The following BRIP1 variants were observed in gnomAD, a reference collection of about 807,000 sequenced individuals.
The protein encoded by BRIP1 is Fanconi anemia group J protein.
In BRIP1, 88 loss-of-function variants were observed where a neutral mutation model predicts 119.7. The ratio of observed to expected loss-of-function variants is 0.74; its 90% CI spans 0.62 to 0.88. The LOEUF (loss-of-function observed/expected upper bound fraction) is 0.88, where lower values mean the gene tolerates loss of function less well. Among genes scored for constraint, BRIP1 ranks in the 40% least tolerant of loss-of-function variants. BRIP1 has a pLI of 0.00. For synonymous variants in BRIP1, 443 were observed against 496.5 expected, an observed-to-expected ratio of 0.89 and a Z score of 1.43; for missense variants, 1,259 against 1,455.4, an observed-to-expected ratio of 0.87 and a Z score of 2.20.
chr17:61,804,410 ATGTGTGTGTGTG>A lies in BRIP1; in HGVS notation c.919-2948_919-2937del, dbSNP rs71153405. ...AAGACTTTGAGGCAGCTATATACATATGTGTGTGTGTGTGTGTGTGTGTGTGTGTGTGTGTGT... is the reference window on the plus strand; with the variant it reads ...AAGACTTTGAGGCAGCTATATACATATGTGTGTGTGTGTGTGTGTGTGTGT... On this transcript the variant is annotated intron_variant, in intron 7 of 19. Coordinates refer to ENST00000259008, the MANE Select transcript of BRIP1 (RefSeq NM_032043.3). This position sits in a 1 kb window ranked among gnomAD's most constrained non-coding sequence, Gnocchi z 4.5. Among the ~76,000 whole-genome samples the A allele has an allele frequency of 0.23, 28,492 of 125,396 alleles. 3,476 individuals carry two copies. Among genetic ancestry groups the A allele is most frequent in the Admixed American group, 0.41 (5,304 of 12,942 alleles). 82.3% of individuals were successfully genotyped at this position (125,396 alleles called of 152,430 possible). A position where few individuals can be genotyped will look rare whatever the true frequency, so the allele number is the denominator to read the frequency against.
At position 61,685,823 on chromosome 17, in the gene BRIP1, G is replaced by A. The variant is rs2144107162; in HGVS notation, c.2905+13C>T. The A allele has an allele frequency of 6.3e-7, 1 of 1,590,886 alleles. No homozygotes were observed. The highest frequency in any genetic ancestry group is 8.6e-7 in the Non-Finnish European group (1 of 1,160,438). Reference sequence around the variant, plus strand: ...CTTCTCTATCAAAGGTAAATGGGAAGAACTTTTCATACTTTTCTCCTTTCT... The same window carrying A: ...CTTCTCTATCAAAGGTAAATGGGAAAAACTTTTCATACTTTTCTCCTTTCT... On this transcript the variant is annotated intron_variant, in intron 19 of 19. Coordinates refer to ENST00000259008, the MANE Select transcript of BRIP1 (RefSeq NM_032043.3).
In BRIP1 at chr17:61,808,658, T is replaced by C. The variant is rs2078113517; in HGVS notation, c.727A>G (p.Ile243Val). 6.2e-7 allele frequency: 1 copy of C among 1,614,030 alleles called. No individual in the cohort carries two copies. Among genetic ancestry groups the C allele is most frequent in the African/African-American group, 1.3e-5 (1 of 75,046 alleles). The change falls in exon 7 of 20, where the codon ATA becomes GTA. Residue 243 changes from isoleucine (I) to valine (V), a missense_variant. This residue lies in a region of BRIP1 where 501 missense variants were observed against 544.0 expected (regional missense o/e 0.92). Transcript: ENST00000259008. The surrounding 1 kb of genome is among the most constrained non-coding windows in gnomAD (Gnocchi z 4.1). ...CGTGTCCCAAAATATATTTTGGGTA[T>C]CTTGGATTTCCCTGTATGATCCTTC... ...IKKDHTGKSK[I>V]PKIYFGTRTH...
At chr17:61,731,871 T>A (rs2076847937) in intron 16 of BRIP1, among the ~76,000 whole-genome samples, 1 of 149,786 alleles carries the variant, frequency 6.7e-6, no homozygotes, top group Non-Finnish European at 1.5e-5. Flanking sequence ...TATCACTCTG[T>A]CCCCTGAGTC....
chr17:61,752,310 G>A lies in BRIP1; in HGVS notation c.2098-7719C>T, dbSNP rs923935736. On this transcript the variant is annotated intron_variant, in intron 14 of 19. Coordinates refer to ENST00000259008, the MANE Select transcript of BRIP1 (RefSeq NM_032043.3). The surrounding 1 kb of genome is among the most constrained non-coding windows in gnomAD (Gnocchi z 6.2). ...CTAATATAGTAATCCAGAGATGGTG[G>A]TAGCTTGAATTAGAAAGAGTTAAGA... is the stretch of plus-strand genomic sequence containing the variant. Among the ~76,000 whole-genome samples, 1 of 152,090 alleles carries A rather than the reference G, an allele frequency of 6.6e-6. No individual in the cohort carries two copies. The highest frequency in any genetic ancestry group is 2.4e-5 in the African/African-American group (1 of 41,396).
chr17:61,697,001 AAAG>A (rs1201420579), intron 17 of BRIP1, among the ~76,000 whole-genome samples: 3 of 147,666 alleles, frequency 2.0e-5, no homozygotes, highest in African/African-American at 2.5e-5. Flanking sequence ...AAAAAAAAAA[AAAG>A]GGGGGGGGAA....
rs2144384520 is a variant in BRIP1 at position 61,716,067 on chromosome 17, A to G, written c.2380-4T>C. 2 of 1,530,722 alleles carry G rather than the reference A, an allele frequency of 1.3e-6. No individual in the cohort carries two copies. Among genetic ancestry groups the G allele is most frequent in the Middle Eastern group, 1.7e-4 (1 of 5,744 alleles). The allele number at this position is 1,530,722 out of a possible 1,614,324, so 94.8% of individuals were successfully genotyped here. A position where few individuals can be genotyped will look rare whatever the true frequency, so the allele number is the denominator to read the frequency against. On this transcript the variant is annotated splice_region_variant and splice_polypyrimidine_tract_variant and intron_variant, in intron 16 of 19. Transcript: ENST00000259008. ...TGTATTGTCGTTTTAGTTCAACCTA[A>G]TAATTTTAAAATATATTTAAAAAAT...
In BRIP1 at chr17:61,841,115, TA is replaced by T. The variant is rs1253276064; in HGVS notation, c.627+5985del. On this transcript the variant is annotated intron_variant, in intron 6 of 19. Transcript: ENST00000259008. This position sits in a 1 kb window ranked among gnomAD's most constrained non-coding sequence, Gnocchi z 4.1. ...ATAAGACCCAAAACTATAAGACTAC[TA>T]GAAGAAAACATAGGGCAAAAGCTTC... is the stretch of plus-strand genomic sequence containing the variant. 6.6e-6 allele frequency among the ~76,000 whole-genome samples: 1 copy of T among 152,138 alleles called. No homozygotes were observed. The highest frequency in any genetic ancestry group is 1.5e-5 in the Non-Finnish European group (1 of 68,018).
intron 6 of BRIP1, among the ~76,000 whole-genome samples, chr17:61,829,330 T>C (rs2078454784): frequency 6.6e-6 from 1 of 152,034 alleles, no homozygotes; most frequent in African/African-American, 2.4e-5. Flanking sequence ...AACAAAGACA[T>C]TTCATAATGA....
At position 61,754,431 on chromosome 17, in the gene BRIP1, T is replaced by A. The variant is rs1234170968; in HGVS notation, c.2098-9840A>T. On this transcript the variant is annotated intron_variant, in intron 14 of 19. Transcript: ENST00000259008. This position sits in a 1 kb window ranked among gnomAD's most constrained non-coding sequence, Gnocchi z 4.1. ...AGATAGGCCTTCCCAAACCATCCAA[T>A]TAAATTCTAAATGAGCACCCTCCAG... is the stretch of plus-strand genomic sequence containing the variant. Among the ~76,000 whole-genome samples the A allele has an allele frequency of 6.6e-6, 1 of 152,032 alleles. No homozygotes were observed. The highest frequency in any genetic ancestry group is 1.9e-4 in the East Asian group (1 of 5,180).
At position 61,744,469 on chromosome 17, in the gene BRIP1, C is replaced by G. The variant is rs45589637; in HGVS notation, c.2220G>C (p.Gln740His). Residue 740 changes from glutamine to histidine, a missense_variant, in exon 15 of 20, where the codon CAG becomes CAC. Physicochemically the swap from Gln to His is conservative, Grantham distance 24 (BLOSUM62 0). Transcript: ENST00000259008. This position sits in a 1 kb window ranked among gnomAD's most constrained non-coding sequence, Gnocchi z 5.0. ...TGTATTTGATTGCGTCATAGTACAC[C>G]TGCAGTAATTCATCAAAATTTGTTT... ...GEKTNFDELL[Q>H]VYYDAIKYKG... 1 of 1,613,772 alleles carries G rather than the reference C, an allele frequency of 6.2e-7. No homozygotes were observed.
intron 9 of BRIP1, among the ~76,000 whole-genome samples, chr17:61,797,195 A>G (rs2077913228): frequency 6.6e-6 from 1 of 151,962 alleles, no homozygotes; most frequent in Admixed American, 6.6e-5. Context: ...ACTACAAACT[A>G]TTTAGGGAAA....
rs546059226 is a variant in BRIP1 at position 61,851,152 on chromosome 17, C to T, written c.380-1896G>A. ...CTGAGGCAGGAGAATCACTTGAACCCGGGAGGCAGAGGTTGCAGTGAGCCA... is the reference window on the plus strand; with the variant it reads ...CTGAGGCAGGAGAATCACTTGAACCTGGGAGGCAGAGGTTGCAGTGAGCCA... On this transcript the variant is annotated intron_variant, in intron 4 of 19. Coordinates refer to ENST00000259008, the MANE Select transcript of BRIP1 (RefSeq NM_032043.3). This position sits in a 1 kb window ranked among gnomAD's most constrained non-coding sequence, Gnocchi z 4.6. Among the ~76,000 whole-genome samples the T allele has an allele frequency of 3.3e-5, 5 of 150,560 alleles. No individual in the cohort carries two copies. Among genetic ancestry groups the T allele is most frequent in the African/African-American group, 9.8e-5 (4 of 40,992 alleles).
At position 61,843,258 on chromosome 17, in the gene BRIP1, T is replaced by C. The variant is rs560443737; in HGVS notation, c.627+3843A>G. Among the ~76,000 whole-genome samples, 4 of 152,264 alleles carry C rather than the reference T, an allele frequency of 2.6e-5. No homozygotes were observed. The highest frequency in any genetic ancestry group is 1.5e-5 in the Non-Finnish European group (1 of 68,030). On this transcript the variant is annotated intron_variant, in intron 6 of 19. Coordinates refer to ENST00000259008, the MANE Select transcript of BRIP1 (RefSeq NM_032043.3). This position sits in a 1 kb window ranked among gnomAD's most constrained non-coding sequence, Gnocchi z 5.7. ...TGATCAAAGAGTAAAAAGTTGAATC[T>C]ACATAGGATGAATCAAGTCTAGAGA... is the stretch of plus-strand genomic sequence containing the variant.
rs1483194467 is a variant in BRIP1 at position 61,778,097 on chromosome 17, T to C, written c.1936-1535A>G. Among the ~76,000 whole-genome samples the C allele has an allele frequency of 1.3e-5, 2 of 152,190 alleles. No homozygotes were observed. The highest frequency in any genetic ancestry group is 3.8e-4 in the East Asian group (2 of 5,198). On this transcript the variant is annotated intron_variant, in intron 13 of 19. Coordinates refer to ENST00000259008, the MANE Select transcript of BRIP1 (RefSeq NM_032043.3). The surrounding 1 kb of genome is among the most constrained non-coding windows in gnomAD (Gnocchi z 4.4). ...ATATATATTATAAATCACAGGCATA[T>C]ACACACAAGAAACATTATTCACCTT...
At position 61,861,486 on chromosome 17, in the gene BRIP1, A is replaced by T. The variant is rs886053216; in HGVS notation, c.54T>A (p.Pro18=). Reference sequence around the variant, plus strand: ...CAAGCTGTGACGGGTAAGCTTTATAAGGAAAGTAAATCTTCACCCCACCAA... The same window carrying T: ...CAAGCTGTGACGGGTAAGCTTTATATGGAAAGTAAATCTTCACCCCACCAA... ...YTIGGVKIYF[P]YKAYPSQLAM... is the part of the protein sequence containing the mutation. Residue 18 remains proline (P), a synonymous_variant, in exon 2 of 20, where the codon CCT becomes CCA. Coordinates refer to ENST00000259008, the MANE Select transcript of BRIP1 (RefSeq NM_032043.3). This position sits in a 1 kb window ranked among gnomAD's most constrained non-coding sequence, Gnocchi z 4.5. The T allele has an allele frequency of 6.2e-7, 1 of 1,613,546 alleles. No homozygotes were observed.
At chr17:61,801,576 G>T in intron 7 of BRIP1, 102 bp from the exon 8 acceptor site, 1 of 1,168,678 alleles carries the variant, frequency 8.6e-7, no homozygotes, top group Non-Finnish European at 1.3e-6. Context: ...AAGCCACAAG[G>T]CTAAGATTTT....
rs2061574639 is a variant in BRIP1, at chr17:61,699,199, A to G, written c.2493-5687T>C. Among the ~76,000 whole-genome samples the G allele has an allele frequency of 6.6e-6, 1 of 152,040 alleles. No homozygotes were observed. Among genetic ancestry groups the G allele is most frequent in the South Asian group, 2.1e-4 (1 of 4,828 alleles). On this transcript the variant is annotated intron_variant, in intron 17 of 19. Transcript: ENST00000259008. The surrounding 1 kb of genome is among the most constrained non-coding windows in gnomAD (Gnocchi z 4.8). ...GTTTCTCTTGCAGACAGCATATATC[A>G]CATTGTTTTCAATCCATTCAGCCAA...
chr17:61,692,167 T>C (rs562818674), intron 18 of BRIP1, among the ~76,000 whole-genome samples: 3 of 152,224 alleles, frequency 2.0e-5, no homozygotes, highest in Non-Finnish European at 2.9e-5. Flanking sequence ...CAGATGCTGA[T>C]GCCATGATTC....
Position 61,679,782 on chromosome 17 carries a change from A to C in BRIP1, c.*3514T>G, listed in dbSNP as rs10744996. ...CATTTAGATGTTTTAACTTATTTAA[A>C]TCTGTAAACATTTCTTTTAAAAGTA... On this transcript the variant is annotated 3_prime_UTR_variant, in exon 20 of 20. Transcript: ENST00000259008. The surrounding 1 kb of genome is among the most constrained non-coding windows in gnomAD (Gnocchi z 4.4). 0.69 allele frequency among the ~76,000 whole-genome samples: 105,294 copies of C among 152,034 alleles called. 37,019 individuals are homozygous for C. The highest frequency in any genetic ancestry group is 0.89 in the East Asian group (4,624 of 5,192).
Sources: gnomAD v4.1 joint callset for allele counts (sites outside exome capture counted in the v4.1 genomes callset) on GRCh38, gnomAD v4.1.1 for gene constraint, gnomAD v4.1.1 regional missense constraint, Gnocchi (gnomAD v3.1) non-coding constraint, MANE v1.5 for transcripts, NCBI Gene and HGNC (gene_info 2026-07-23, HGNC 2026-07-21) for gene names.